ADK: variants seen among roughly 807,000 people sequenced by gnomAD.
ADK encodes the protein N6,N6-dimethyladenosine kinase.
In ADK, 24 loss-of-function variants were observed where a neutral mutation model predicts 44.7. The ratio of observed to expected loss-of-function variants is 0.54; its 90% confidence interval spans 0.39 to 0.76. The LOEUF is 0.76. Among genes scored for constraint, ADK ranks in the 30% least tolerant of loss-of-function variants. ADK has a pLI of 0.00. For missense variants in ADK, 321 were observed against 425.1 expected (o/e 0.76, Z 2.15); for synonymous variants, 128 against 142.6 (o/e 0.90, Z 0.73).
chr10:74,195,087 C>CT (rs1204141025), intron 1 of ADK, among the ~76,000 whole-genome samples: 161 of 87,946 alleles, frequency 1.8e-3, no homozygotes, highest in African/African-American at 6.2e-3. Context: ...CCGCTCCCCC[C>CT]CCCAAAAAAA....
chr10:74,261,118 T>A lies in ADK; in HGVS notation c.194+36527T>A, dbSNP rs900237653. On this transcript the variant is annotated intron_variant, in intron 3 of 10. Transcript: ENST00000539909. The stretch of plus-strand genomic sequence containing the variant: ...TCTATAAGCAGTCTATAATCGTTAT[T>A]TATATTATAGTGACTATGTAAGTAT... Among the ~76,000 whole-genome samples, 4 of 152,208 alleles carry A rather than the reference T, an allele frequency of 2.6e-5. No homozygotes were observed. The South Asian group carries it at 8.3e-4, about 32-fold the overall frequency.
chr10:74,627,552 T>C (rs1853255389), intron 9 of ADK, among the ~76,000 whole-genome samples: 1 of 146,232 alleles, frequency 6.8e-6, no homozygotes, highest in Admixed American at 7.0e-5. Context: ...ACAGATTTAT[T>C]TTGTTGAGTT....
chr10:74,176,795 C>A (rs1157591726), intron 1 of ADK: 1 of 1,595,952 alleles, frequency 6.3e-7, no homozygotes, highest in African/African-American at 1.3e-5. Context: ...GAAGCAGTTG[C>A]TGTGGTACCT....
intron 4 of ADK, among the ~76,000 whole-genome samples, chr10:74,381,148 GTTAAAA>G (rs893538877): frequency 6.6e-6 from 1 of 152,060 alleles, no homozygotes; most frequent in African/African-American, 2.4e-5. Flanking sequence ...GTTAATATAT[GTTAAAA>G]TTAAATTTTT....
At chr10:74,500,279 T>G (rs1269488132) in intron 6 of ADK, among the ~76,000 whole-genome samples, 1 of 152,210 alleles carries the variant, frequency 6.6e-6, no homozygotes, top group Admixed American at 6.5e-5. Context: ...CTACTCTACT[T>G]TTTCCCCCAC....
chr10:74,465,956 A>G (rs1846340212), intron 6 of ADK, among the ~76,000 whole-genome samples: 1 of 152,088 alleles, frequency 6.6e-6, no homozygotes, highest in Admixed American at 6.6e-5. Flanking sequence ...AATTGATTTT[A>G]TTGTTTGTAT....
At chr10:74,696,957 A>G (rs538586889) in intron 10 of ADK, among the ~76,000 whole-genome samples, 94 of 152,318 alleles carry the variant, frequency 6.2e-4, no homozygotes, top group African/African-American at 2.2e-3. Context: ...GTGGCTTAAA[A>G]TCTATTTTCA....
Position 74,314,841 on chromosome 10 carries a change from G to T in ADK, c.273+96G>T, listed in dbSNP as rs1345211794. ...TTTCCTTTTATATTGTGTTGCTGTA[G>T]AATAGTTTTGTTCATTTGAATTGGG... On this transcript the variant is annotated intron_variant, in intron 4 of 10. Coordinates refer to ENST00000539909, the MANE Select transcript of ADK (RefSeq NM_006721.4). 18 of 927,160 alleles carry T rather than the reference G, an allele frequency of 1.9e-5. 1 individual carries two copies. In the East Asian group the frequency reaches 4.4e-4, roughly 23 times the overall value. The allele number at this position is 927,160 out of a possible 1,614,324, so 57.4% of individuals were successfully genotyped here.
chr10:74,180,512 T>C, intron 1 of ADK, among the ~76,000 whole-genome samples: 1 of 139,604 alleles, frequency 7.2e-6, no homozygotes, highest in South Asian at 2.2e-4. Flanking sequence ...CAGGCTGGAG[T>C]GCAGTGGTGC....
At chr10:74,699,629 A>T (rs1014277991) in intron 10 of ADK, among the ~76,000 whole-genome samples, 1 of 152,214 alleles carries the variant, frequency 6.6e-6, no homozygotes, top group East Asian at 1.9e-4. Context: ...GTGAGCCAAG[A>T]TCACACCAGT....
At chr10:74,464,283 A>G (rs569503674) in intron 6 of ADK, among the ~76,000 whole-genome samples, 46 of 152,332 alleles carry the variant, frequency 3.0e-4, no homozygotes, top group African/African-American at 9.6e-4. Flanking sequence ...ACAGTGGCTC[A>G]TGCCTGTAAT....
chr10:74,651,207 G>A (rs995810216), intron 9 of ADK, among the ~76,000 whole-genome samples: 2 of 151,926 alleles, frequency 1.3e-5, no homozygotes, highest in African/African-American at 4.8e-5. Flanking sequence ...TTTGACACAG[G>A]GTCTTAATTT....
intron 4 of ADK, among the ~76,000 whole-genome samples, chr10:74,319,258 G>A (rs4746196): frequency 0.73 from 110,326 of 152,072 alleles, 40,643 homozygotes; most frequent in Middle Eastern, 0.86. Context: ...GGCAGTCTTA[G>A]CAATTTCAGA....
At chr10:74,309,346 A>G (rs1336173264) in intron 3 of ADK, among the ~76,000 whole-genome samples, 1 of 152,146 alleles carries the variant, frequency 6.6e-6, no homozygotes, top group Non-Finnish European at 1.5e-5. Context: ...TTTATTTTAC[A>G]TGATCTTAAT....
At chr10:74,423,789 G>T in intron 6 of ADK, 1 of 347,040 alleles carries the variant, frequency 2.9e-6, no homozygotes. Flanking sequence ...TGGGGGCTGG[G>T]CTATGATACC....
chr10:74,637,379 T>G (rs1326429365), intron 9 of ADK, among the ~76,000 whole-genome samples: 4 of 152,214 alleles, frequency 2.6e-5, no homozygotes, highest in Non-Finnish European at 4.4e-5. Flanking sequence ...AGAAAAATCT[T>G]TAACTACATA....
chr10:74,484,257 G>A (rs1442839528), intron 6 of ADK, among the ~76,000 whole-genome samples: 1 of 152,132 alleles, frequency 6.6e-6, no homozygotes. Flanking sequence ...GCAGAAGGAA[G>A]AGAGACAAGA....
chr10:74,551,925 A>G (rs1230675756), intron 7 of ADK, among the ~76,000 whole-genome samples: 1 of 152,226 alleles, frequency 6.6e-6, no homozygotes, highest in Non-Finnish European at 1.5e-5. Flanking sequence ...ATATACTCCC[A>G]TGTACTTTAA....
intron 3 of ADK, among the ~76,000 whole-genome samples, chr10:74,275,394 G>A (rs1391683585): frequency 6.6e-6 from 1 of 152,044 alleles, no homozygotes; most frequent in Non-Finnish European, 1.5e-5. Context: ...CCAGTCTTTG[G>A]GGGTGTGGTT....
Sources: allele counts gnomAD v4.1 joint callset (sites outside exome capture counted in the v4.1 genomes callset), GRCh38; gene constraint gnomAD v4.1.1; transcripts MANE v1.5; gene names NCBI Gene and HGNC (gene_info 2026-07-23, HGNC 2026-07-21).